Variants in KLRD1 observed in about 807,000 individuals in gnomAD.
KLRD1 encodes natural killer cells antigen CD94.
In KLRD1, 21 loss-of-function variants were observed where a neutral mutation model predicts 22.6. The observed-to-expected ratio is 0.93, with a 90% CI of 0.66 to 1.34. The LOEUF (loss-of-function observed/expected upper bound fraction) is 1.34, where lower values mean the gene tolerates loss of function less well. Among genes scored for constraint, KLRD1 ranks in the 40% most tolerant of loss-of-function variants. The pLI is 0.00. For missense variants in KLRD1, 183 were observed against 208.6 expected (o/e 0.88, Z 0.76); for synonymous variants, 59 against 71.1 (o/e 0.83, Z 0.85).
At chr12:10,245,974 A>C (rs1208550499) in intron 1 of KLRD1, among the ~76,000 whole-genome samples, 2 of 152,156 alleles carry the variant, frequency 1.3e-5, no homozygotes, top group Non-Finnish European at 2.9e-5. Context: ...GTGAGCTACC[A>C]TGCCTGGCCA....
In KLRD1 at chr12:10,315,208, T is replaced by C. The variant is rs1243782547; in HGVS notation, c.*415T>C. Reference sequence around the variant, plus strand: ...AGCATAGTGGCAAGATCATAGCTCATTGCAAGCTCAAGTGATCCTCCTGAC... The same window carrying C: ...AGCATAGTGGCAAGATCATAGCTCACTGCAAGCTCAAGTGATCCTCCTGAC... On this transcript the variant is annotated 3_prime_UTR_variant, in exon 6 of 6. Transcript: ENST00000336164. 2.5e-6 allele frequency: 1 copy of C among 406,068 alleles called. No individual in the cohort carries two copies. Among genetic ancestry groups the C allele is most frequent in the Non-Finnish European group, 4.9e-6 (1 of 205,328 alleles). 25.2% of individuals were successfully genotyped at this position (406,068 alleles called of 1,614,324 possible).
intron 1 of KLRD1, among the ~76,000 whole-genome samples, chr12:10,266,546 CT>C (rs1949500666): frequency 6.6e-6 from 1 of 151,438 alleles, no homozygotes; most frequent in African/African-American, 2.4e-5. Flanking sequence ...TATTTTTTTC[CT>C]GGTCTGTTAT....
chr12:10,240,464 C>T (rs1438259454), intron 1 of KLRD1, among the ~76,000 whole-genome samples: 1 of 151,800 alleles, frequency 6.6e-6, no homozygotes, highest in Non-Finnish European at 1.5e-5. Context: ...AATAGATCTT[C>T]ACTTACGTTC....
intron 1 of KLRD1, among the ~76,000 whole-genome samples, chr12:10,294,782 C>T (rs1389230730): frequency 6.6e-6 from 1 of 152,208 alleles, no homozygotes; most frequent in Non-Finnish European, 1.5e-5. Context: ...ATCTTATCCA[C>T]TGCCCAGGGT....
intron 1 of KLRD1, among the ~76,000 whole-genome samples, chr12:10,294,349 C>G (rs1949803152): frequency 6.6e-6 from 1 of 152,076 alleles, no homozygotes. Context: ...GTGCATCCTC[C>G]TAGAAGTTTA....
intron 1 of KLRD1, among the ~76,000 whole-genome samples, chr12:10,275,889 A>G (rs1480201677): frequency 6.6e-6 from 1 of 152,212 alleles, no homozygotes; most frequent in Non-Finnish European, 1.5e-5. Flanking sequence ...GATAGATATT[A>G]CCACACCCCA....
In KLRD1 at chr12:10,326,229, A is replaced by G. The variant is rs1950360400; in HGVS notation, c.*11436A>G. 6.6e-6 allele frequency: 1 copy of G among 151,982 alleles called. No homozygotes were observed. The allele number at this position is 151,982 out of a possible 1,614,324, so 9.4% of individuals were successfully genotyped here. On this transcript the variant is annotated 3_prime_UTR_variant, in exon 6 of 6. Coordinates refer to ENST00000336164, the MANE Select transcript of KLRD1 (RefSeq NM_002262.5). ...ATATTGACTCCTTTTCTGATATATG[A>G]TTTGCAATTATTTTCTCCCATTCTG... is the stretch of plus-strand genomic sequence containing the variant.
chr12:10,328,005 T>C lies in KLRD1; in HGVS notation c.*13212T>C, dbSNP rs895198936. On this transcript the variant is annotated 3_prime_UTR_variant, in exon 6 of 6. Transcript: ENST00000336164. ...TTAGGCTATCCTTGCACCCCAGGGA[T>C]AAATGCCACTTGCTTATGGCATATA... is the stretch of plus-strand genomic sequence containing the variant. The C allele has an allele frequency of 6.6e-6, 1 of 152,182 alleles. No individual in the cohort carries two copies. The highest frequency in any genetic ancestry group is 2.4e-5 in the African/African-American group (1 of 41,446). The allele number at this position is 152,182 out of a possible 1,614,324, so 9.4% of individuals were successfully genotyped here.
At chr12:10,274,389 A>T (rs1285713832) in intron 1 of KLRD1, among the ~76,000 whole-genome samples, 1 of 152,214 alleles carries the variant, frequency 6.6e-6, no homozygotes, top group African/African-American at 2.4e-5. Context: ...TAGTGCAAAC[A>T]TTAATCAAAC....
At position 10,320,259 on chromosome 12, in the gene KLRD1, TAAAGA is replaced by T. The variant is rs1441614214; in HGVS notation, c.*5470_*5474del. 5 of 32,040 alleles carry T rather than the reference TAAAGA, an allele frequency of 1.6e-4. No individual in the cohort carries two copies. The highest frequency in any genetic ancestry group is 1.1e-3 in the East Asian group (1 of 926). The allele number at this position is 32,040 out of a possible 1,614,324, so 2.0% of individuals were successfully genotyped here. On this transcript the variant is annotated 3_prime_UTR_variant, in exon 6 of 6. Coordinates refer to ENST00000336164, the MANE Select transcript of KLRD1 (RefSeq NM_002262.5). The stretch of plus-strand genomic sequence containing the variant: ...GGTACCAAGAATGAAGTTACTATTA[TAAAGA>T]AAAAAAAAAACCACTAAAATTTTGG...
At chr12:10,308,769 C>A (rs916465252) in intron 1 of KLRD1, 5 of 152,992 alleles carry the variant, frequency 3.3e-5, no homozygotes, top group African/African-American at 1.2e-4. Context: ...CTCTACGAAC[C>A]AATGAGCAGC....
chr12:10,300,893 C>A (rs1251486370), upstream of KLRD1, among the ~76,000 whole-genome samples: 1 of 152,226 alleles, frequency 6.6e-6, no homozygotes, highest in African/African-American at 2.4e-5. Flanking sequence ...AACCTCTTTC[C>A]TTAAACTTCA....
At chr12:10,258,104 T>C (rs1171210908) in intron 1 of KLRD1, among the ~76,000 whole-genome samples, 1 of 152,194 alleles carries the variant, frequency 6.6e-6, no homozygotes, top group African/African-American at 2.4e-5. Context: ...GAGACAAACT[T>C]GCTAGCCTGC....
chr12:10,294,418 A>G (rs1219558578), intron 1 of KLRD1, among the ~76,000 whole-genome samples: 1 of 152,070 alleles, frequency 6.6e-6, no homozygotes, highest in East Asian at 1.9e-4. Flanking sequence ...CGTTTTTTTG[A>G]GAAGGAGTCT....
chr12:10,239,457 C>CCTTATT (rs767475039), intron 1 of KLRD1, among the ~76,000 whole-genome samples: 8,113 of 112,384 alleles, frequency 0.072, 623 homozygotes, highest in African/African-American at 0.077. Context: ...TTCCTTCCTT[C>CCTTATT]CTTCCTTCCT....
chr12:10,326,261 A>G lies in KLRD1; in HGVS notation c.*11468A>G, dbSNP rs971204387. ...ATTATTTTCTCCCATTCTGTAGATC[A>G]TCCTTTCATTCCATTGGTTATTTCC... On this transcript the variant is annotated 3_prime_UTR_variant, in exon 6 of 6. Coordinates refer to ENST00000336164, the MANE Select transcript of KLRD1 (RefSeq NM_002262.5). The G allele has an allele frequency of 6.6e-6, 1 of 152,164 alleles. No homozygotes were observed. Among genetic ancestry groups the G allele is most frequent in the Non-Finnish European group, 1.5e-5 (1 of 68,026 alleles). 9.4% of individuals were successfully genotyped at this position (152,164 alleles called of 1,614,324 possible).
rs896277367 is a variant in KLRD1, at chr12:10,249,893, A to G, written c.-101+23660A>G. ...GGCTCGTAATGCATTTCTTGACCCA[A>G]TGACTTCCTTTGTGGTTTCATCAGA... On this transcript the variant is annotated intron_variant, in intron 1 of 5. Coordinates refer to the KLRD1 transcript ENST00000544747. Among the ~76,000 whole-genome samples, 4 of 152,086 alleles carry G rather than the reference A, an allele frequency of 2.6e-5. 1 individual carries two copies. The highest frequency in any genetic ancestry group is 4.1e-4 in the South Asian group (2 of 4,830).
chr12:10,317,126 G>A lies in KLRD1; in HGVS notation c.*2333G>A, dbSNP rs1177116170. 6.6e-6 allele frequency: 1 copy of A among 152,114 alleles called. No individual in the cohort carries two copies. The highest frequency in any genetic ancestry group is 2.4e-5 in the African/African-American group (1 of 41,396). The allele number at this position is 152,114 out of a possible 1,614,324, so 9.4% of individuals were successfully genotyped here. A position where few individuals can be genotyped will look rare whatever the true frequency, so the allele number is the denominator to read the frequency against. On this transcript the variant is annotated 3_prime_UTR_variant, in exon 6 of 6. Coordinates refer to ENST00000336164, the MANE Select transcript of KLRD1 (RefSeq NM_002262.5). Reference sequence around the variant, plus strand: ...AAGGACATGAACTCATTCTTTTTATGGCTGCATAGTATTCCATGGTGTATA... The same window carrying A: ...AAGGACATGAACTCATTCTTTTTATAGCTGCATAGTATTCCATGGTGTATA...
At chr12:10,292,065 C>T (rs1213954748) in intron 1 of KLRD1, among the ~76,000 whole-genome samples, 2 of 152,092 alleles carry the variant, frequency 1.3e-5, no homozygotes, top group Non-Finnish European at 2.9e-5. Context: ...GGGTTGGTTC[C>T]ATGTCTTTGC....
Sources: gnomAD v4.1 joint callset for allele counts (sites outside exome capture counted in the v4.1 genomes callset) on GRCh38, gnomAD v4.1.1 for gene constraint, MANE v1.5 for transcripts, NCBI Gene and HGNC (gene_info 2026-07-23, HGNC 2026-07-21) for gene names.